Variants in ATG12 observed in about 807,000 individuals in gnomAD.
ATG12 encodes the protein autophagy related 12.
ATG12 carries 19 observed loss-of-function variants against 17.6 expected under a neutral mutation model. The observed-to-expected ratio is 1.08, with a 90% CI of 0.75 to 1.58. The LOEUF is 1.58. Ranked by LOEUF, ATG12 falls within the 40% of genes most tolerant of loss-of-function variation. ATG12 has a pLI of 0.00. For missense variants in ATG12, 214 were observed against 162.0 expected (o/e 1.32, Z -1.74); for synonymous variants, 75 against 62.4 (o/e 1.20, Z -0.95).
chr5:115,837,188 A>C (rs996506496), intron 2 of ATG12, among the ~76,000 whole-genome samples: 7 of 152,206 alleles, frequency 4.6e-5, no homozygotes, highest in African/African-American at 1.7e-4. Flanking sequence ...AACAAATCTA[A>C]AACATTTCAT....
rs1760927795 is a variant in ATG12 at position 115,832,587 on chromosome 5, T to C, written c.363+15A>G. ...AATTTCTTTCTTTTTTTTTTTTTTT[T>C]TTTTTTTTTTTTACCTCATAGAGAG... On this transcript the variant is annotated intron_variant, in intron 3 of 3. Coordinates refer to ENST00000509910, the MANE Select transcript of ATG12 (RefSeq NM_004707.4). 2 of 1,430,336 alleles carry C rather than the reference T, an allele frequency of 1.4e-6. No homozygotes were observed. Among genetic ancestry groups the C allele is most frequent in the Non-Finnish European group, 1.8e-6 (2 of 1,098,176 alleles). The allele number at this position is 1,430,336 out of a possible 1,614,324, so 88.6% of individuals were successfully genotyped here. A position where few individuals can be genotyped will look rare whatever the true frequency, so the allele number is the denominator to read the frequency against.
Position 115,841,495 on chromosome 5 carries a change from C to G in ATG12, c.58G>C (p.Glu20Gln), listed in dbSNP as rs765666385. The change falls in exon 1 of 4, where the codon GAA becomes CAA. Residue 20 changes from glutamate (E) to glutamine (Q), a missense_variant. Glu to Gln is a conservative substitution (Grantham distance 29). Coordinates refer to ENST00000509910, the MANE Select transcript of ATG12 (RefSeq NM_004707.4). Reference sequence around the variant, plus strand: ...TCTGGGGAGACATCCGTAAGTCCTTCCCCTCCAGCAGCAATTGAAGTAGGA... The same window carrying G: ...TCTGGGGAGACATCCGTAAGTCCTTGCCCTCCAGCAGCAATTGAAGTAGGA... ...QLPTSIAAGG[E>Q]GLTDVSPETT... 1.1e-5 allele frequency: 18 copies of G among 1,612,128 alleles called. No individual in the cohort carries two copies. The South Asian group carries it at 1.9e-4, about 17-fold the overall frequency.
Position 115,837,557 on chromosome 5 carries a change from A to G in ATG12, c.300+71T>C, listed in dbSNP as rs1761157940. 5.3e-6 allele frequency: 8 copies of G among 1,510,982 alleles called. No individual in the cohort carries two copies. The South Asian group carries it at 9.3e-5, about 18-fold the overall frequency. The allele number at this position is 1,510,982 out of a possible 1,614,324, so 93.6% of individuals were successfully genotyped here. A position where few individuals can be genotyped will look rare whatever the true frequency, so the allele number is the denominator to read the frequency against. ...TGGCTCCATATGCATTTCTATAAACAACAGTTAATTCACTGTTGCCTAGGA... is the reference window on the plus strand; with the variant it reads ...TGGCTCCATATGCATTTCTATAAACGACAGTTAATTCACTGTTGCCTAGGA... On this transcript the variant is annotated intron_variant, in intron 2 of 3. Coordinates refer to ENST00000509910, the MANE Select transcript of ATG12 (RefSeq NM_004707.4).
chr5:115,837,654 G>T lies in ATG12; in HGVS notation c.274C>A (p.Leu92Ile), dbSNP rs561465491. 1.9e-6 allele frequency: 3 copies of T among 1,611,550 alleles called. No individual in the cohort carries two copies. The highest frequency in any genetic ancestry group is 2.5e-6 in the Non-Finnish European group (3 of 1,179,666). ...AACTGTTCTGAGGCCACAAGTTTAAGAAACTTTTTGATGAAGTCAATGAGT... is the reference window on the plus strand; with the variant it reads ...AACTGTTCTGAGGCCACAAGTTTAATAAACTTTTTGATGAAGTCAATGAGT... ...QGLIDFIKKF[L>I]KLVASEQLFI... Residue 92 changes from leucine to isoleucine, a missense_variant, in exon 2 of 4, where the codon CTT becomes ATT. Physicochemically the swap from Leu to Ile is conservative, Grantham distance 5 (BLOSUM62 2). Transcript: ENST00000509910.
At position 115,828,244 on chromosome 5, in the gene ATG12, C is replaced by T. The variant is rs902266001; in HGVS notation, c.*3560G>A. On this transcript the variant is annotated 3_prime_UTR_variant, in exon 4 of 4. Coordinates refer to ENST00000509910, the MANE Select transcript of ATG12 (RefSeq NM_004707.4). Reference sequence around the variant, plus strand: ...ATTAGTGTTATTCCAATATTTAGGACATAGTAGGCACTCAATATGTGAATG... The same window carrying T: ...ATTAGTGTTATTCCAATATTTAGGATATAGTAGGCACTCAATATGTGAATG... The T allele has an allele frequency of 2.0e-5, 3 of 152,146 alleles. No homozygotes were observed. Among genetic ancestry groups the T allele is most frequent in the Non-Finnish European group, 4.4e-5 (3 of 68,006 alleles). The allele number at this position is 152,146 out of a possible 1,614,324, so 9.4% of individuals were successfully genotyped here. A position where few individuals can be genotyped will look rare whatever the true frequency, so the allele number is the denominator to read the frequency against.
At position 115,837,635 on chromosome 5, in the gene ATG12, T is replaced by G; in HGVS notation, c.293A>C (p.Glu98Ala). The change falls in exon 2 of 4, where the codon GAA (glutamate) becomes GCA (alanine). Residue 98 changes from glutamate to alanine, a missense_variant. Coordinates refer to ENST00000509910, the MANE Select transcript of ATG12 (RefSeq NM_004707.4). The part of the protein sequence containing the change: ...IKKFLKLVAS[E>A]QLFIYVNQSF... Reference sequence around the variant, plus strand: ...TCACCATTGGTTTCATACCAACTGTTCTGAGGCCACAAGTTTAAGAAACTT... The same window carrying G: ...TCACCATTGGTTTCATACCAACTGTGCTGAGGCCACAAGTTTAAGAAACTT... The G allele has an allele frequency of 6.2e-7, 1 of 1,611,462 alleles. No homozygotes were observed. The highest frequency in any genetic ancestry group is 8.5e-7 in the Non-Finnish European group (1 of 1,179,772).
At chr5:115,840,048 G>A (rs888773771) in intron 1 of ATG12, among the ~76,000 whole-genome samples, 3 of 152,190 alleles carry the variant, frequency 2.0e-5, no homozygotes, top group Non-Finnish European at 4.4e-5. Context: ...GACTAAGACT[G>A]TTAGACCTTA....
Position 115,830,203 on chromosome 5 carries a change from C to T in ATG12, c.*1601G>A, listed in dbSNP as rs1760810506. On this transcript the variant is annotated 3_prime_UTR_variant, in exon 4 of 4. Coordinates refer to ENST00000509910, the MANE Select transcript of ATG12 (RefSeq NM_004707.4). ...GAAAGAAAACAAATAAGGTTAGCTACATATTTAGCTAACCTTAGATTTAAT... is the reference window on the plus strand; with the variant it reads ...GAAAGAAAACAAATAAGGTTAGCTATATATTTAGCTAACCTTAGATTTAAT... The T allele has an allele frequency of 2.0e-5, 3 of 148,824 alleles. No homozygotes were observed. The highest frequency in any genetic ancestry group is 7.4e-5 in the African/African-American group (3 of 40,398). 9.2% of individuals were successfully genotyped at this position (148,824 alleles called of 1,614,324 possible).
At chr5:115,840,634 C>T in intron 1 of ATG12, 1 of 1,254,934 alleles carries the variant, frequency 8.0e-7, no homozygotes, top group Non-Finnish European at 1.0e-6. Context: ...ACGGGGAAAA[C>T]GTCTAAGGAC....
rs767138094 is a variant in ATG12, at chr5:115,841,542, T to C, written c.11A>G (p.Glu4Gly). The C allele has an allele frequency of 3.1e-6, 5 of 1,613,566 alleles. No homozygotes were observed. The highest frequency in any genetic ancestry group is 1.3e-5 in the African/African-American group (1 of 74,942). Residue 4 changes from glutamate to glycine, a missense_variant, in exon 1 of 4, where the codon GAG (glutamate) becomes GGG (glycine). Physicochemically the swap from Glu to Gly is moderately conservative, Grantham distance 98. Coordinates refer to ENST00000509910, the MANE Select transcript of ATG12 (RefSeq NM_004707.4). ...AGGAAGCTGCAACACAGACTGCGGC[T>C]CCTCCGCCATCTTGCTTGGAGACAC... is the stretch of plus-strand genomic sequence containing the variant. MAE[E>G]PQSVLQLPTS...
chr5:115,837,510 G>A (rs1011016531), intron 2 of ATG12, 118 bp downstream of exon 2: 11 of 1,043,082 alleles, frequency 1.1e-5, no homozygotes, highest in South Asian at 7.3e-5. Flanking sequence ...GGGATAAAAG[G>A]GCATAACAAA....
At chr5:115,839,117 C>T (rs1761222543) in intron 1 of ATG12, 2 of 125,650 alleles carry the variant, frequency 1.6e-5, no homozygotes, top group South Asian at 5.7e-4. Context: ...ACTGAGACAT[C>T]CTCTCAAAAA....
intron 1 of ATG12, 132 bp downstream of exon 1, chr5:115,841,258 T>C: frequency 8.2e-7 from 1 of 1,213,628 alleles, no homozygotes; most frequent in Non-Finnish European, 1.2e-6. Flanking sequence ...ACACTTCTTT[T>C]CTTCTGATGA....
At chr5:115,836,789 T>C (rs1272219083) in intron 2 of ATG12, among the ~76,000 whole-genome samples, 3 of 152,214 alleles carry the variant, frequency 2.0e-5, no homozygotes, top group African/African-American at 4.8e-5. Flanking sequence ...ATTATGTATA[T>C]ATAAAAAACA....
Position 115,830,934 on chromosome 5 carries a change from A to G in ATG12, c.*870T>C, listed in dbSNP as rs1760844694. On this transcript the variant is annotated 3_prime_UTR_variant, in exon 4 of 4. Transcript: ENST00000509910. Reference sequence around the variant, plus strand: ...ATCAGTAAAAATGGCACTTTTAGTCATGGCATAAAATATACAATAAGGCTA... The same window carrying G: ...ATCAGTAAAAATGGCACTTTTAGTCGTGGCATAAAATATACAATAAGGCTA... 6.6e-6 allele frequency: 1 copy of G among 152,220 alleles called. No individual in the cohort carries two copies. Among genetic ancestry groups the G allele is most frequent in the African/African-American group, 2.4e-5 (1 of 41,466 alleles). 9.4% of individuals were successfully genotyped at this position (152,220 alleles called of 1,614,324 possible). A position where few individuals can be genotyped will look rare whatever the true frequency, so the allele number is the denominator to read the frequency against.
intron 2 of ATG12, 85 bp downstream of exon 2, chr5:115,837,543 G>A: frequency 2.2e-6 from 3 of 1,383,264 alleles, no homozygotes; most frequent in South Asian, 1.2e-5. Context: ...GGCTCCATAT[G>A]CATTTCTATA....
chr5:115,840,440 G>A (rs1761339527), intron 1 of ATG12: 9 of 282,294 alleles, frequency 3.2e-5, no homozygotes, highest in South Asian at 2.5e-4. Context: ...TGGGATTACA[G>A]GCGCGCGCCA....
At position 115,837,728 on chromosome 5, in the gene ATG12, A is replaced by ATAGGAGTG; in HGVS notation, c.192_199dup (p.Ile67ThrfsTer5). ...TACTGCCCACTTCTTTGTTTTCATA[A>ATAGGAGTG]TAGGAGTGTCTCCCACAGCCTTTAG... is the stretch of plus-strand genomic sequence containing the variant. On this transcript the variant is annotated frameshift_variant, in exon 2 of 4. Coordinates refer to ENST00000509910, the MANE Select transcript of ATG12 (RefSeq NM_004707.4). LOFTEE classifies it high-confidence loss of function. 6.2e-7 allele frequency: 1 copy of ATAGGAGTG among 1,612,526 alleles called. No homozygotes were observed. Among genetic ancestry groups the ATAGGAGTG allele is most frequent in the Non-Finnish European group, 8.5e-7 (1 of 1,179,512 alleles).
At position 115,832,571 on chromosome 5, in the gene ATG12, CTTTTTTTTTTTT is replaced by C. The variant is rs35310189; in HGVS notation, c.363+19_363+30del. On this transcript the variant is annotated intron_variant, in intron 3 of 3. Transcript: ENST00000509910. ...AAGAAAAAAAAGCAGTAATTTCTTTCTTTTTTTTTTTTTTTTTTTTTTTTTTTTACCTCATAG... is the reference window on the plus strand; with the variant it reads ...AAGAAAAAAAAGCAGTAATTTCTTTCTTTTTTTTTTTTTTTTACCTCATAG... 1.8e-4 allele frequency: 141 copies of C among 802,348 alleles called. No individual in the cohort carries two copies. Among genetic ancestry groups the C allele is most frequent in the African/African-American group, 3.9e-4 (12 of 30,816 alleles). 49.7% of individuals were successfully genotyped at this position (802,348 alleles called of 1,614,324 possible).
Sources: gnomAD v4.1 joint callset for allele counts (sites outside exome capture counted in the v4.1 genomes callset) on GRCh38, gnomAD v4.1.1 for gene constraint, MANE v1.5 for transcripts, NCBI Gene and HGNC (gene_info 2026-07-23, HGNC 2026-07-21) for gene names.